Variants in PIWIL1 observed in about 807,000 individuals in gnomAD.
The protein encoded by PIWIL1 is piwi-like protein 1.
A neutral mutation model predicts 114.4 loss-of-function variants in PIWIL1; 73 were observed. The observed-to-expected ratio is 0.64, with a 90% CI of 0.53 to 0.78. The LOEUF (loss-of-function observed/expected upper bound fraction) is 0.78, where lower values mean the gene tolerates loss of function less well. PIWIL1 is among the 30% of genes least tolerant of loss of function. PIWIL1 has a pLI of 0.00. For synonymous variants in PIWIL1, 375 were observed against 369.0 expected, an observed-to-expected ratio of 1.02 and a Z score of -0.19; for missense variants, 723 against 1,063.1, an observed-to-expected ratio of 0.68 and a Z score of 4.45.
chr12:130,352,488 G>A (rs1000176401), intron 9 of PIWIL1, among the ~76,000 whole-genome samples: 11 of 152,136 alleles, frequency 7.2e-5, no homozygotes, highest in African/African-American at 2.7e-4. Context: ...AGACCAGCCT[G>A]ACCAACATGG....
chr12:130,420,107 A>G, the PIWIL1 span, among the ~76,000 whole-genome samples: 2 of 152,232 alleles, frequency 1.3e-5, no homozygotes, highest in Non-Finnish European at 1.5e-5. This position sits in a 1 kb window ranked among gnomAD's most constrained non-coding sequence, Gnocchi z 4.3. Flanking sequence ...ATAGAAGTAA[A>G]TGACAACTAG....
intron 5 of PIWIL1, 74 bp downstream of exon 5, chr12:130,346,658 G>A: frequency 7.9e-7 from 1 of 1,272,324 alleles, no homozygotes. Flanking sequence ...AGCTCACATG[G>A]CTTTTAGAGA....
chr12:130,424,128 T>C, the PIWIL1 span: 1 of 1,218,590 alleles, frequency 8.2e-7, no homozygotes, highest in Non-Finnish European at 1.0e-6. The surrounding 1 kb of genome is among the most constrained non-coding windows in gnomAD (Gnocchi z 9.8). Flanking sequence ...GAAAAGGAAG[T>C]TTAGGTCACA....
At chr12:130,355,309 G>A (rs1350850098) in intron 11 of PIWIL1, among the ~76,000 whole-genome samples, 1 of 152,160 alleles carries the variant, frequency 6.6e-6, no homozygotes, top group Non-Finnish European at 1.5e-5. Context: ...TTATATCAAG[G>A]GGTTTCCTTT....
At chr12:130,394,803 T>C in the PIWIL1 span, among the ~76,000 whole-genome samples, 4 of 139,426 alleles carry the variant, frequency 2.9e-5, no homozygotes, top group African/African-American at 1.0e-4. Context: ...AGCGAGAGGA[T>C]AGAAAAATGT....
At chr12:130,354,839 C>T (rs1212806990) in intron 10 of PIWIL1, 49 bp from the exon 11 acceptor site, 26 of 1,450,616 alleles carry the variant, frequency 1.8e-5, no homozygotes, top group Non-Finnish European at 2.3e-5. Flanking sequence ...GTTATTTAGA[C>T]CTGATTATTA....
chr12:130,417,914 G>A, the PIWIL1 span, among the ~76,000 whole-genome samples: 11 of 152,230 alleles, frequency 7.2e-5, no homozygotes, highest in East Asian at 5.8e-4. Flanking sequence ...CATGGGAGGT[G>A]GTCTCACAAC....
the PIWIL1 span, among the ~76,000 whole-genome samples, chr12:130,381,902 T>C: frequency 1.3e-5 from 2 of 152,192 alleles, no homozygotes; most frequent in East Asian, 3.9e-4. Flanking sequence ...TGAGGACATG[T>C]GGTATGGAAC....
Position 130,343,027 on chromosome 12 carries a change from C to T in PIWIL1, c.116C>T (p.Pro39Leu), listed in dbSNP as rs1188091354. Residue 39 changes from proline (P) to leucine (L), a missense_variant, in exon 3 of 21, where the codon CCG becomes CTG. Physicochemically the swap from Pro to Leu is moderately conservative, Grantham distance 98. Around this residue, in one of 8 missense-constraint regions of PIWIL1, gnomAD observed 91 missense variants for 76.2 expected, o/e 1.19. Transcript: ENST00000245255. ...QPGYIQPRPQ[P>L]PPAEGELFGR... ...GGTTATATTCAGCCTAGGCCTCAGC[C>T]GCCACCAGCAGAGGGGGAATTATTT... The T allele has an allele frequency of 3.1e-6, 5 of 1,613,930 alleles. No homozygotes were observed. The highest frequency in any genetic ancestry group is 1.7e-5 in the Admixed American group (1 of 59,994).
chr12:130,363,883 G>T (rs1056295671), intron 18 of PIWIL1, among the ~76,000 whole-genome samples: 18 of 152,084 alleles, frequency 1.2e-4, no homozygotes, highest in Admixed American at 1.1e-3. Flanking sequence ...CTCCTAAAGT[G>T]CTGGGATGAC....
rs1204995467 is a variant in PIWIL1, at chr12:130,371,164, C to G, written c.2322-12C>G. 6.2e-7 allele frequency: 1 copy of G among 1,613,252 alleles called. No individual in the cohort carries two copies. Among genetic ancestry groups the G allele is most frequent in the Non-Finnish European group, 8.5e-7 (1 of 1,179,376 alleles). On this transcript the variant is annotated splice_polypyrimidine_tract_variant and intron_variant, in intron 19 of 20. Transcript: ENST00000245255. ...AGTTTTCAGCACATCCGTGTGTTTTCTGTAATTCCAGGTATGACTTTTTTA... is the reference window on the plus strand; with the variant it reads ...AGTTTTCAGCACATCCGTGTGTTTTGTGTAATTCCAGGTATGACTTTTTTA...
chr12:130,413,344 C>G, the PIWIL1 span, among the ~76,000 whole-genome samples: 20 of 152,212 alleles, frequency 1.3e-4, no homozygotes, highest in Non-Finnish European at 2.6e-4. Context: ...AGGCTCCTCT[C>G]CTCTCAGAAG....
the PIWIL1 span, among the ~76,000 whole-genome samples, chr12:130,403,016 C>A: frequency 1.3e-5 from 2 of 152,130 alleles, no homozygotes; most frequent in African/African-American, 4.8e-5. Flanking sequence ...AGCAGGAGTC[C>A]CTCGGGGGTC....
the PIWIL1 span, chr12:130,398,055 A>AT: frequency 6.6e-6 from 1 of 152,596 alleles, no homozygotes; most frequent in Non-Finnish European, 1.5e-5. Flanking sequence ...AAAAAAAAAA[A>AT]CTAAAATGAA....
At position 130,349,934 on chromosome 12, in the gene PIWIL1, C is replaced by T. The variant is rs146680674; in HGVS notation, c.1011C>T (p.Gly337=). The T allele has an allele frequency of 2.3e-4, 368 of 1,612,640 alleles. 2 individuals are homozygous for T. In the African/African-American group the frequency reaches 4.4e-3, roughly 19 times the overall value. The part of the protein sequence containing the change: ...NPKSTFKKAD[G]SEVSFLEYYR... ...AGAGCACCTTTAAGAAAGCCGACGG[C>T]TCTGAAGTCAGCTTCTTAGAATACT... is the stretch of plus-strand genomic sequence containing the variant. Residue 337 remains glycine, a synonymous_variant, in exon 9 of 21, where the codon GGC becomes GGT. Coordinates refer to ENST00000245255, the MANE Select transcript of PIWIL1 (RefSeq NM_004764.5).
the PIWIL1 span, among the ~76,000 whole-genome samples, chr12:130,423,478 G>T: frequency 6.6e-6 from 1 of 152,118 alleles, no homozygotes; most frequent in African/African-American, 2.4e-5. Flanking sequence ...CAAATGTTCC[G>T]AAAAGAGGAC....
the PIWIL1 span, among the ~76,000 whole-genome samples, chr12:130,401,650 C>G: frequency 3.9e-5 from 6 of 151,932 alleles, no homozygotes; most frequent in African/African-American, 1.2e-4. Flanking sequence ...ACATTACAGA[C>G]TATTTCTAGG....
At chr12:130,414,536 T>C in the PIWIL1 span, 3 of 412,838 alleles carry the variant, frequency 7.3e-6, no homozygotes, top group Non-Finnish European at 1.3e-5. Context: ...TGTGAAAGCA[T>C]TGAGACAGGG....
At chr12:130,361,674 T>C (rs2073513013) in intron 16 of PIWIL1, 73 bp downstream of exon 16, 1 of 1,148,214 alleles carries the variant, frequency 8.7e-7, no homozygotes. Context: ...GGAGTAGTGT[T>C]CATTCTTCGT....
Sources: allele counts gnomAD v4.1 joint callset (sites outside exome capture counted in the v4.1 genomes callset), GRCh38; gene constraint gnomAD v4.1.1; regional missense constraint gnomAD v4.1.1; non-coding constraint Gnocchi (gnomAD v3.1); transcripts MANE v1.5; gene names NCBI Gene and HGNC (gene_info 2026-07-23, HGNC 2026-07-21).